ADAMTS20: variants seen among roughly 807,000 people sequenced by gnomAD.
The protein encoded by ADAMTS20 is ADAM metallopeptidase with thrombospondin type 1 motif 20.
In ADAMTS20, 225 loss-of-function variants were observed where a neutral mutation model predicts 260.1. The observed-to-expected ratio is 0.87, with a 90% confidence interval of 0.78 to 0.97. ADAMTS20 has a LOEUF of 0.97. ADAMTS20 is among the 50% of genes least tolerant of loss of function. The pLI is 0.00. For synonymous variants in ADAMTS20, 802 were observed against 769.5 expected (o/e 1.04, Z -0.70); for missense variants, 2,400 against 2,337.7 (o/e 1.03, Z -0.55).
intron 7 of ADAMTS20, among the ~76,000 whole-genome samples, chr12:43,485,978 T>C (rs2137421061): frequency 6.6e-6 from 1 of 152,060 alleles, no homozygotes; most frequent in South Asian, 2.1e-4. Context: ...ACTGGAAAAA[T>C]CAATATCATT....
At chr12:43,472,420 T>C (rs1435321599) in intron 7 of ADAMTS20, among the ~76,000 whole-genome samples, 2 of 136,628 alleles carry the variant, frequency 1.5e-5, no homozygotes, top group Non-Finnish European at 3.1e-5. Context: ...CTGCAGGATA[T>C]TATCCAGGAG....
Position 43,377,463 on chromosome 12 carries a change from C to T in ADAMTS20, c.4897G>A (p.Val1633Ile), listed in dbSNP as rs1940254515. ...GGCACCACAGGGCATTCTTGATAAA[C>T]TATAGGCCGAAGTCGATGGAGCTTA... ...KHKLHRLRPI[V>I]YQECPVVPSS... Residue 1633 changes from valine (V) to isoleucine (I), a missense_variant, in exon 32 of 39, where the codon GTT becomes ATT. By Grantham distance (29) the Val-to-Ile change is conservative (BLOSUM62 3). Transcript: ENST00000389420. 2 of 1,613,718 alleles carry T rather than the reference C, an allele frequency of 1.2e-6. No homozygotes were observed. The highest frequency in any genetic ancestry group is 1.7e-5 in the Admixed American group (1 of 59,972).
intron 2 of ADAMTS20, among the ~76,000 whole-genome samples, chr12:43,542,101 T>C (rs1943384131): frequency 6.6e-6 from 1 of 152,188 alleles, no homozygotes; most frequent in South Asian, 2.1e-4. Context: ...TGAGGTGTTA[T>C]AAAGTCATAT....
At chr12:43,402,347 G>GA (rs1317524995) in intron 28 of ADAMTS20, among the ~76,000 whole-genome samples, 7 of 151,850 alleles carry the variant, frequency 4.6e-5, no homozygotes, top group African/African-American at 1.7e-4. Flanking sequence ...AGGAATGTTA[G>GA]AAAAAAATAC....
At chr12:43,550,583 A>C (rs1262710179) in intron 2 of ADAMTS20, among the ~76,000 whole-genome samples, 1 of 152,200 alleles carries the variant, frequency 6.6e-6, no homozygotes, top group Non-Finnish European at 1.5e-5. Flanking sequence ...ATCTGAGTCA[A>C]ACAGCCTGCC....
intron 14 of ADAMTS20, among the ~76,000 whole-genome samples, chr12:43,447,413 G>C (rs1941783276): frequency 6.6e-6 from 1 of 152,140 alleles, no homozygotes; most frequent in Non-Finnish European, 1.5e-5. Context: ...CTCAATAGAT[G>C]CAGAAAATGC....
chr12:43,416,212 G>A (rs1193029616), intron 28 of ADAMTS20, among the ~76,000 whole-genome samples: 1 of 152,032 alleles, frequency 6.6e-6, no homozygotes, highest in African/African-American at 2.4e-5. Context: ...TGCACGAATG[G>A]CCCCTAAATC....
chr12:43,429,359 C>T (rs573321791), intron 24 of ADAMTS20, among the ~76,000 whole-genome samples: 2 of 152,204 alleles, frequency 1.3e-5, no homozygotes, highest in East Asian at 1.9e-4. Context: ...CAACCTGTGA[C>T]GTAAGTATTA....
chr12:43,362,773 C>T (rs953178297), intron 37 of ADAMTS20, among the ~76,000 whole-genome samples: 38 of 148,780 alleles, frequency 2.6e-4, no homozygotes, highest in African/African-American at 7.7e-4. Context: ...CACATGCATA[C>T]ATATGTAACA....
chr12:43,376,439 G>C (rs1940230354), intron 33 of ADAMTS20, 85 bp downstream of exon 33: 1 of 1,472,948 alleles, frequency 6.8e-7, no homozygotes, highest in Admixed American at 2.3e-5. Context: ...TTGTTTTGTG[G>C]AGTGTGAAAC....
downstream of ADAMTS20, among the ~76,000 whole-genome samples, chr12:43,353,396 T>G (rs569756228): frequency 2.0e-5 from 3 of 152,078 alleles, no homozygotes; most frequent in East Asian, 5.8e-4. Context: ...AGAAAATAGA[T>G]TTTTAAAGAA....
rs952569287 is a variant in ADAMTS20, at chr12:43,386,878, C to A, written c.4453-2901G>T. Among the ~76,000 whole-genome samples the A allele has an allele frequency of 2.0e-5, 3 of 152,190 alleles. No homozygotes were observed. The East Asian group carries it at 5.8e-4, about 29-fold the overall frequency. On this transcript the variant is annotated intron_variant, in intron 29 of 38. Coordinates refer to ENST00000389420, the MANE Select transcript of ADAMTS20 (RefSeq NM_025003.5). ...TCTCTACACTGGTTATTCTTGTTAG[C>A]AATTCCCCTAACCTTTTCTCAAGGT...
At chr12:43,538,498 C>T (rs572454003) in intron 2 of ADAMTS20, among the ~76,000 whole-genome samples, 3 of 152,264 alleles carry the variant, frequency 2.0e-5, no homozygotes, top group Admixed American at 1.3e-4. Flanking sequence ...GTATCCTTTG[C>T]TGTGCAGAAG....
Position 43,377,419 on chromosome 12 carries a change from T to C in ADAMTS20, c.4941A>G (p.Gln1647=). ...CCAAATGCAAACAGCTGTTAATGCA[T>C]TGGTAAACCTGAGAGGAAGGCACCA... ...CPVVPSSQVY[Q]CINSCLHLAT... is the part of the protein sequence containing the mutation. Residue 1647 remains glutamine, a synonymous_variant, in exon 32 of 39, where the codon CAA becomes CAG. Transcript: ENST00000389420. 3 of 1,613,576 alleles carry C rather than the reference T, an allele frequency of 1.9e-6. No individual in the cohort carries two copies. The highest frequency in any genetic ancestry group is 1.7e-5 in the Admixed American group (1 of 59,948).
chr12:43,475,789 A>G (rs922129428), intron 7 of ADAMTS20, among the ~76,000 whole-genome samples: 13 of 150,668 alleles, frequency 8.6e-5, no homozygotes, highest in Admixed American at 2.6e-4. Flanking sequence ...CTTGCTAGCC[A>G]TATGTAGAAA....
chr12:43,428,190 T>C lies in ADAMTS20; in HGVS notation c.3945+51A>G, dbSNP rs531392060. On this transcript the variant is annotated intron_variant, in intron 26 of 38. Coordinates refer to ENST00000389420, the MANE Select transcript of ADAMTS20 (RefSeq NM_025003.5). ...ATCATATACATACCTGTTAAAAGGA[T>C]GTAATATAACAAAATTACAGAATTA... 1.3e-5 allele frequency: 20 copies of C among 1,568,208 alleles called. No individual in the cohort carries two copies. The East Asian group carries it at 4.3e-4, about 33-fold the overall frequency.
chr12:43,365,763 G>A (rs1431072543), intron 37 of ADAMTS20, among the ~76,000 whole-genome samples: 1 of 151,864 alleles, frequency 6.6e-6, no homozygotes, highest in Non-Finnish European at 1.5e-5. Flanking sequence ...AGAAGAAATA[G>A]GTCATTTATA....
In ADAMTS20 at chr12:43,377,625, T is replaced by C. The variant is rs1045789362; in HGVS notation, c.4798-63A>G. The stretch of plus-strand genomic sequence containing the variant: ...AACTTTAGCCAGGGCCTAATATTTG[T>C]CAGATGCTTAATATATATTATGCTG... On this transcript the variant is annotated intron_variant, in intron 31 of 38. Coordinates refer to ENST00000389420, the MANE Select transcript of ADAMTS20 (RefSeq NM_025003.5). 3.9e-5 allele frequency: 52 copies of C among 1,326,176 alleles called. No homozygotes were observed. The Middle Eastern group carries it at 1.2e-3, about 30-fold the overall frequency. The allele number at this position is 1,326,176 out of a possible 1,614,324, so 82.2% of individuals were successfully genotyped here.
At chr12:43,482,694 T>C (rs953479695) in intron 7 of ADAMTS20, among the ~76,000 whole-genome samples, 11 of 152,150 alleles carry the variant, frequency 7.2e-5, no homozygotes, top group African/African-American at 2.7e-4. Context: ...CCACCTGCCC[T>C]GGTAGCATAA....
Sources: allele counts gnomAD v4.1 joint callset (sites outside exome capture counted in the v4.1 genomes callset), GRCh38; gene constraint gnomAD v4.1.1; transcripts MANE v1.5; gene names NCBI Gene and HGNC (gene_info 2026-07-23, HGNC 2026-07-21).